CNGA3: variants seen among roughly 807,000 people sequenced by gnomAD.
CNGA3 encodes cyclic nucleotide gated channel subunit alpha 3, also known as cyclic nucleotide-gated channel alpha-3.
A neutral mutation model predicts 46.6 loss-of-function variants in CNGA3; 42 were observed. That is an observed-to-expected ratio of 0.90 (90% CI 0.70 to 1.17). The LOEUF (loss-of-function observed/expected upper bound fraction) is 1.17, where lower values mean the gene tolerates loss of function less well. CNGA3 is among the 50% of genes most tolerant of loss of function. CNGA3 has a pLI of 0.00. For synonymous variants in CNGA3, 394 were observed against 369.4 expected (o/e 1.07, Z -0.76); for missense variants, 893 against 890.7 (o/e 1.00, Z -0.03).
At chr2:98,378,106 A>G (rs534315694) in intron 3 of CNGA3, 1 of 1,550,930 alleles carries the variant, frequency 6.4e-7, no homozygotes, top group Non-Finnish European at 8.7e-7. Flanking sequence ...TGGTAAGAGC[A>G]GCCAGCCGTG....
intron 3 of CNGA3, 70 bp downstream of exon 3, chr2:98,377,870 C>A: frequency 6.9e-7 from 1 of 1,439,326 alleles, no homozygotes; most frequent in Non-Finnish European, 9.5e-7. Flanking sequence ...AGTGACCTCT[C>A]AGGAAAAAGT....
At chr2:98,348,823 G>T (rs894045597) in intron 1 of CNGA3, among the ~76,000 whole-genome samples, 1 of 152,180 alleles carries the variant, frequency 6.6e-6, no homozygotes, top group African/African-American at 2.4e-5. Flanking sequence ...AGTGTAGTGT[G>T]GCAGACAAAC....
chr2:98,348,607 T>C (rs1439779081), intron 1 of CNGA3, among the ~76,000 whole-genome samples: 3 of 151,932 alleles, frequency 2.0e-5, no homozygotes, highest in African/African-American at 7.2e-5. Flanking sequence ...CTGAAACCCC[T>C]GCTAATCCCC....
rs945809771 is a variant in CNGA3, at chr2:98,369,924, G to C, written c.-37-15G>C. 2.7e-6 allele frequency: 4 copies of C among 1,489,590 alleles called. No individual in the cohort carries two copies. In the Admixed American group the frequency reaches 6.8e-5, roughly 25 times the overall value. The allele number at this position is 1,489,590 out of a possible 1,614,324, so 92.3% of individuals were successfully genotyped here. The stretch of plus-strand genomic sequence containing the variant: ...CCTGTCCTGATGACGTGTCTGCTTT[G>C]TGTTCACATTTTAGCAATCATCTGG... On this transcript the variant is annotated splice_polypyrimidine_tract_variant and intron_variant, in intron 1 of 7. Transcript: ENST00000272602.
chr2:98,392,574 A>AAAAG (rs1692816624), intron 7 of CNGA3, among the ~76,000 whole-genome samples: 2 of 143,418 alleles, frequency 1.4e-5, no homozygotes, highest in African/African-American at 6.0e-5. Context: ...AAAAGAAAAA[A>AAAAG]AAAAGAAAAG....
intron 1 of CNGA3, among the ~76,000 whole-genome samples, chr2:98,362,752 G>A (rs954406669): frequency 2.6e-5 from 4 of 152,046 alleles, no homozygotes; most frequent in East Asian, 1.9e-4. Flanking sequence ...ATGGTATTGC[G>A]TATATTTTCT....
intron 1 of CNGA3, among the ~76,000 whole-genome samples, chr2:98,349,907 G>A (rs1332331708): frequency 1.3e-5 from 2 of 152,150 alleles, no homozygotes; most frequent in Non-Finnish European, 2.9e-5. Context: ...GTTGCTCATG[G>A]CATTAACCAA....
chr2:98,390,901 G>A (rs1204594970), intron 6 of CNGA3, among the ~76,000 whole-genome samples: 1 of 152,236 alleles, frequency 6.6e-6, no homozygotes, highest in East Asian at 1.9e-4. Context: ...TCTGAGATGT[G>A]TGGGACTGGG....
chr2:98,381,462 C>A (rs182724286), intron 4 of CNGA3, among the ~76,000 whole-genome samples: 1 of 152,288 alleles, frequency 6.6e-6, no homozygotes, highest in African/African-American at 2.4e-5. Context: ...GTGATGAAGT[C>A]TCAGGGGAAA....
intron 3 of CNGA3, chr2:98,379,878 G>A: frequency 2.0e-6 from 1 of 497,004 alleles, no homozygotes; most frequent in Non-Finnish European, 3.7e-6. Context: ...TCATGCCTTA[G>A]GCAGAGTCCA....
At chr2:98,362,751 C>T (rs77924632) in intron 1 of CNGA3, among the ~76,000 whole-genome samples, 29,182 of 152,038 alleles carry the variant, frequency 0.19, 3,194 homozygotes, top group Non-Finnish European at 0.26. Context: ...AATGGTATTG[C>T]GTATATTTTC....
chr2:98,367,351 C>T (rs1023301848), intron 1 of CNGA3, among the ~76,000 whole-genome samples: 7 of 151,728 alleles, frequency 4.6e-5, no homozygotes, highest in Non-Finnish European at 1.0e-4. Context: ...CCCACCACCA[C>T]GCCCGGCTAA....
intron 1 of CNGA3, among the ~76,000 whole-genome samples, chr2:98,358,213 C>T (rs1360287942): frequency 2.0e-5 from 3 of 152,224 alleles, no homozygotes; most frequent in Admixed American, 2.0e-4. Context: ...GATGTCATGA[C>T]TCAAAAACTG....
chr2:98,397,490 C>A lies in CNGA3; in HGVS notation c.*235C>A. ...AGTCCGCATGAAACACTGCACCAGG[C>A]AGGGCTTTGCAAAGTGCAAGGTATC... On this transcript the variant is annotated 3_prime_UTR_variant, in exon 8 of 8. Transcript: ENST00000272602. 1.7e-6 allele frequency: 1 copy of A among 586,478 alleles called. No homozygotes were observed. The highest frequency in any genetic ancestry group is 3.0e-6 in the Non-Finnish European group (1 of 329,124). The allele number at this position is 586,478 out of a possible 1,614,324, so 36.3% of individuals were successfully genotyped here. A position where few individuals can be genotyped will look rare whatever the true frequency, so the allele number is the denominator to read the frequency against.
At chr2:98,378,778 A>C (rs756237745) in intron 3 of CNGA3, among the ~76,000 whole-genome samples, 1 of 152,216 alleles carries the variant, frequency 6.6e-6, no homozygotes, top group Non-Finnish European at 1.5e-5. Context: ...AACACAAGCT[A>C]TCTCAGGGAA....
intron 3 of CNGA3, chr2:98,379,866 G>T (rs750895073): frequency 2.1e-6 from 1 of 467,484 alleles, no homozygotes; most frequent in Non-Finnish European, 3.9e-6. Context: ...CCATTTGAAG[G>T]ATCATGCCTT....
At chr2:98,387,826 C>G (rs2104224450) in intron 5 of CNGA3, among the ~76,000 whole-genome samples, 1 of 152,324 alleles carries the variant, frequency 6.6e-6, no homozygotes. Context: ...GTTTCAAGAA[C>G]AGCGGACAGG....
intron 7 of CNGA3, among the ~76,000 whole-genome samples, chr2:98,392,563 AAAAAGAAAAAAAAAAG>A (rs1692815691): frequency 6.6e-6 from 1 of 151,536 alleles, no homozygotes; most frequent in African/African-American, 2.4e-5. Flanking sequence ...TCTGTCTCAA[AAAAAGAAAAAAAAAAG>A]AAAAGAAAAG....
chr2:98,366,544 G>A (rs1308731206), intron 1 of CNGA3, among the ~76,000 whole-genome samples: 3 of 152,330 alleles, frequency 2.0e-5, no homozygotes, highest in South Asian at 2.1e-4. Flanking sequence ...GCCCCTCCCC[G>A]CAAGGGGCTC....
Sources: gnomAD v4.1 joint callset for allele counts (sites outside exome capture counted in the v4.1 genomes callset) on GRCh38, gnomAD v4.1.1 for gene constraint, MANE v1.5 for transcripts, NCBI Gene and HGNC (gene_info 2026-07-23, HGNC 2026-07-21) for gene names.